CLIC6: variants seen among roughly 807,000 people sequenced by gnomAD.
CLIC6 encodes the protein CLIC family member 6, also known as chloride intracellular channel protein 6.
Under a neutral mutation model 49.2 loss-of-function variants are expected in CLIC6, and 39 were observed. That is an observed-to-expected ratio of 0.79 (90% CI 0.61 to 1.04). The LOEUF (loss-of-function observed/expected upper bound fraction) is 1.04, where lower values mean the gene tolerates loss of function less well. Ranked by LOEUF, CLIC6 falls within the 50% of genes least tolerant of loss-of-function variation. The probability of loss-of-function intolerance (pLI) is 0.00; values close to 1 mark genes in which losing one functional copy is unlikely to be tolerated. For synonymous variants in CLIC6, 446 were observed against 433.4 expected, an observed-to-expected ratio of 1.03 and a Z score of -0.36; for missense variants, 988 against 993.1, an observed-to-expected ratio of 0.99 and a Z score of 0.07.
chr21:34,713,495 C>G (rs908018869), intron 5 of CLIC6, among the ~76,000 whole-genome samples: 43 of 152,136 alleles, frequency 2.8e-4, no homozygotes, highest in Non-Finnish European at 3.8e-4. Context: ...GACATTCGCA[C>G]ACATCTTATA....
chr21:34,716,064 C>G (rs149413081), intron 5 of CLIC6, among the ~76,000 whole-genome samples: 219 of 152,352 alleles, frequency 1.4e-3, no homozygotes, highest in Middle Eastern at 3.4e-3. Flanking sequence ...CAGCGGATTC[C>G]AAGACCCATC....
chr21:34,705,792 C>T (rs193253408), intron 1 of CLIC6, among the ~76,000 whole-genome samples: 2 of 152,186 alleles, frequency 1.3e-5, no homozygotes, highest in East Asian at 3.9e-4. Flanking sequence ...TGGGGGTTCA[C>T]ATTGTTTTGT....
chr21:34,689,769 A>G (rs118087975), intron 1 of CLIC6, among the ~76,000 whole-genome samples: 2,178 of 152,192 alleles, frequency 0.014, 30 homozygotes, highest in Middle Eastern at 0.058. Context: ...GCGGCTGCTG[A>G]AGATTTTTCT....
At position 34,670,728 on chromosome 21, in the gene CLIC6, TG is replaced by T; in HGVS notation, c.1344del (p.Gln449ArgfsTer29). On this transcript the variant is annotated frameshift_variant, in exon 1 of 6. Coordinates refer to ENST00000349499, the MANE Select transcript of CLIC6 (RefSeq NM_053277.3). LOFTEE classifies it high-confidence loss of function. ...GGAGAGGCGTCCGAGCCCCGGGCCCTGGGGCAGGAGCACGACATCACCCTCT... is the reference window on the plus strand; with the variant it reads ...GGAGAGGCGTCCGAGCCCCGGGCCCTGGGCAGGAGCACGACATCACCCTCT... ...EDGEASEPRALGQEHDITLFV... is the reference protein window; with the variant it reads ...EDGEASEPRAXGQEHDITLFV... 6.2e-7 allele frequency: 1 copy of T among 1,600,068 alleles called. No homozygotes were observed. The highest frequency in any genetic ancestry group is 8.5e-7 in the Non-Finnish European group (1 of 1,177,584).
intron 1 of CLIC6, among the ~76,000 whole-genome samples, chr21:34,701,629 T>C (rs953953128): frequency 3.3e-5 from 5 of 152,000 alleles, no homozygotes; most frequent in African/African-American, 1.2e-4. Context: ...GGCCACACAA[T>C]TAGTAAGTAG....
chr21:34,673,819 T>G (rs1989614193), intron 1 of CLIC6, among the ~76,000 whole-genome samples: 1 of 152,218 alleles, frequency 6.6e-6, no homozygotes. Flanking sequence ...TGGAAATTAG[T>G]TCAGAATAGG....
intron 1 of CLIC6, among the ~76,000 whole-genome samples, chr21:34,671,288 C>G (rs1432240522): frequency 6.6e-6 from 1 of 152,088 alleles, no homozygotes; most frequent in African/African-American, 2.4e-5. Context: ...AGACCCAGAG[C>G]TGGTCAATGT....
intron 1 of CLIC6, among the ~76,000 whole-genome samples, chr21:34,702,894 C>A (rs1165075633): frequency 6.6e-6 from 1 of 152,198 alleles, no homozygotes; most frequent in Non-Finnish European, 1.5e-5. Context: ...CTTTGTTCCC[C>A]TCTGAGGACA....
At chr21:34,673,166 C>T (rs1024082716) in intron 1 of CLIC6, among the ~76,000 whole-genome samples, 11 of 152,072 alleles carry the variant, frequency 7.2e-5, no homozygotes, top group Admixed American at 2.6e-4. Context: ...GCACCAGCAG[C>T]GGCCCAGCAC....
intron 1 of CLIC6, among the ~76,000 whole-genome samples, chr21:34,698,377 A>G (rs769205685): frequency 3.0e-4 from 45 of 151,810 alleles, no homozygotes; most frequent in Middle Eastern, 3.2e-3. Context: ...GGAAGGACAG[A>G]AGGAAGGAAG....
Position 34,717,920 on chromosome 21 carries a change from A to T in CLIC6, c.*1438A>T, listed in dbSNP as rs2056096927. ...TAGCAAAAGAAACAAAGTCTTTAAT[A>T]GAGTGGCCTCTTTCGCTCTTCGATT... On this transcript the variant is annotated 3_prime_UTR_variant, in exon 6 of 6. Transcript: ENST00000349499. 1 of 152,294 alleles carries T rather than the reference A, an allele frequency of 6.6e-6. No homozygotes were observed. Among genetic ancestry groups the T allele is most frequent in the South Asian group, 2.1e-4 (1 of 4,836 alleles). The allele number at this position is 152,294 out of a possible 1,614,324, so 9.4% of individuals were successfully genotyped here. A position where few individuals can be genotyped will look rare whatever the true frequency, so the allele number is the denominator to read the frequency against.
At chr21:34,678,548 G>T (rs1332351110) in intron 1 of CLIC6, among the ~76,000 whole-genome samples, 5 of 152,114 alleles carry the variant, frequency 3.3e-5, no homozygotes, top group Non-Finnish European at 5.9e-5. Context: ...AAGGAAAAAG[G>T]ATAACTGTTG....
chr21:34,716,442 T>C lies in CLIC6; in HGVS notation c.2021T>C (p.Ile674Thr), dbSNP rs776464087. The C allele has an allele frequency of 1.9e-5, 30 of 1,613,826 alleles. No individual in the cohort carries two copies. Among genetic ancestry groups the C allele is most frequent in the Non-Finnish European group, 2.5e-5 (29 of 1,179,918 alleles). ...FTNTCPADQE[I>T]EHAYSDVAKR... ...AATACGTGTCCAGCTGATCAAGAGA[T>C]TGAACACGCATATTCAGATGTTGCA... Residue 674 changes from isoleucine to threonine, a missense_variant, in exon 6 of 6, where the codon ATT becomes ACT. Ile to Thr is a moderately conservative substitution (Grantham distance 89, BLOSUM62 -1). Transcript: ENST00000349499.
chr21:34,690,830 G>T (rs1568963038), intron 1 of CLIC6, among the ~76,000 whole-genome samples: 2 of 147,714 alleles, frequency 1.4e-5, no homozygotes, highest in African/African-American at 5.0e-5. Context: ...TTTCCCCAGG[G>T]TGAGGGTGGG....
At position 34,716,862 on chromosome 21, in the gene CLIC6, T is replaced by TCTCTCTCTCTCTCTCACA; in HGVS notation, c.*381_*382insTCTCTCTCTCTCTCACAC. Reference sequence around the variant, plus strand: ...CTCTCTCTCTCTCTCTCTCTCTCTATCACACACACACACACACACACACAC... The same window carrying TCTCTCTCTCTCTCTCACA: ...CTCTCTCTCTCTCTCTCTCTCTCTATCTCTCTCTCTCTCTCACACACACACACACACACACACACACAC... On this transcript the variant is annotated 3_prime_UTR_variant, in exon 6 of 6. Transcript: ENST00000349499. The TCTCTCTCTCTCTCTCACA allele has an allele frequency of 3.8e-5, 5 of 131,634 alleles. No individual in the cohort carries two copies. The highest frequency in any genetic ancestry group is 1.3e-4 in the African/African-American group (4 of 31,214). The allele number at this position is 131,634 out of a possible 1,614,324, so 8.2% of individuals were successfully genotyped here.
chr21:34,703,447 G>A (rs527517859), intron 1 of CLIC6, among the ~76,000 whole-genome samples: 321 of 152,100 alleles, frequency 2.1e-3, no homozygotes, highest in Non-Finnish European at 3.9e-3. Context: ...TCAGGTCTGC[G>A]TCGGGATGCC....
chr21:34,706,860 A>G (rs1457325775), intron 1 of CLIC6, among the ~76,000 whole-genome samples: 3 of 152,196 alleles, frequency 2.0e-5, no homozygotes, highest in Non-Finnish European at 4.4e-5. Context: ...TAGCTATTAT[A>G]CCAAAGCTGC....
intron 1 of CLIC6, among the ~76,000 whole-genome samples, chr21:34,671,338 C>A (rs1989564228): frequency 6.6e-6 from 1 of 152,022 alleles, no homozygotes; most frequent in Non-Finnish European, 1.5e-5. Flanking sequence ...GTAGAATCAA[C>A]AATGTACGTT....
Position 34,694,125 on chromosome 21 carries a change from C to T in CLIC6, c.1375-13155C>T, listed in dbSNP as rs551794411. Among the ~76,000 whole-genome samples, 12 of 142,740 alleles carry T rather than the reference C, an allele frequency of 8.4e-5. No homozygotes were observed. In the East Asian group the frequency reaches 2.2e-3, roughly 26 times the overall value. 93.6% of individuals were successfully genotyped at this position (142,740 alleles called of 152,430 possible). On this transcript the variant is annotated intron_variant, in intron 1 of 5. Coordinates refer to ENST00000349499, the MANE Select transcript of CLIC6 (RefSeq NM_053277.3). ...GTAGCTGGGGACTACAGCACCACCA[C>T]GCCTGGTTAATTTTTTTTTTTTTTT... is the stretch of plus-strand genomic sequence containing the variant.
Sources: gnomAD v4.1 joint callset for allele counts (sites outside exome capture counted in the v4.1 genomes callset) on GRCh38, gnomAD v4.1.1 for gene constraint, MANE v1.5 for transcripts, NCBI Gene and HGNC (gene_info 2026-07-23, HGNC 2026-07-21) for gene names.